The following ELL2 variants were observed in gnomAD, a reference collection of about 807,000 sequenced individuals.
ELL2 encodes elongation factor for RNA polymerase II 2.
Under a neutral mutation model 72.8 loss-of-function variants are expected in ELL2, and 21 were observed. The ratio of observed to expected loss-of-function variants is 0.29; its 90% CI spans 0.20 to 0.42. ELL2 has a LOEUF of 0.42. Among genes scored for constraint, ELL2 ranks in the 10% least tolerant of loss-of-function variants. The pLI is 1.00. For missense variants in ELL2, 568 were observed against 772.8 expected (o/e 0.73, Z 3.14); for synonymous variants, 266 against 283.2 (o/e 0.94, Z 0.61).
chr5:95,961,746 C>T lies in ELL2; in HGVS notation c.-25G>A. 1 of 1,578,674 alleles carries T rather than the reference C, an allele frequency of 6.3e-7. No homozygotes were observed. The highest frequency in any genetic ancestry group is 8.6e-7 in the Non-Finnish European group (1 of 1,165,006). On this transcript the variant is annotated 5_prime_UTR_variant, in exon 1 of 12. Coordinates refer to ENST00000237853, the MANE Select transcript of ELL2 (RefSeq NM_012081.6). The stretch of plus-strand genomic sequence containing the variant: ...TCTTAAACTCCCCGGGGTGCCGCCG[C>T]CGCCGCCGCTCCGGCTCTAGCCTCC...
At chr5:95,895,328 G>A (rs2112271337) in intron 9 of ELL2, among the ~76,000 whole-genome samples, 1 of 152,332 alleles carries the variant, frequency 6.6e-6, no homozygotes, top group Middle Eastern at 3.4e-3. Flanking sequence ...GCTTTGAAGA[G>A]TCAGATCCCT....
In ELL2 at chr5:95,942,674, C is replaced by T. The variant is rs78413182; in HGVS notation, c.195+328G>A. On this transcript the variant is annotated intron_variant, in intron 2 of 11. Coordinates refer to ENST00000237853, the MANE Select transcript of ELL2 (RefSeq NM_012081.6). ...ATAACTTGCCTGAAATAAATAATCCCGTATGGATGTTAAGCTGTGATAATA... is the reference window on the plus strand; with the variant it reads ...ATAACTTGCCTGAAATAAATAATCCTGTATGGATGTTAAGCTGTGATAATA... 9.6e-3 allele frequency among the ~76,000 whole-genome samples: 1,466 copies of T among 152,094 alleles called. 29 individuals are homozygous for T. The highest frequency in any genetic ancestry group is 0.034 in the African/African-American group (1,406 of 41,466).
intron 1 of ELL2, among the ~76,000 whole-genome samples, chr5:95,958,022 T>C (rs1430915741): frequency 6.6e-6 from 1 of 152,322 alleles, no homozygotes; most frequent in East Asian, 1.9e-4. Context: ...AATTAACCTG[T>C]TGAAATTTCT....
At chr5:95,930,652 T>C (rs1482893461) in intron 2 of ELL2, among the ~76,000 whole-genome samples, 1 of 152,230 alleles carries the variant, frequency 6.6e-6, no homozygotes. Flanking sequence ...GGGGAACTTA[T>C]TTTATGTATT....
rs1748541448 is a variant in ELL2, at chr5:95,888,564, T to C, written c.*307A>G. ...CCAATATCTAAAAAATCATTTCTAA[T>C]AACAAACACAAGTTTTTGAGGAAAA... On this transcript the variant is annotated 3_prime_UTR_variant, in exon 12 of 12. Transcript: ENST00000237853. The C allele has an allele frequency of 5.2e-6, 1 of 191,094 alleles. No individual in the cohort carries two copies. The highest frequency in any genetic ancestry group is 1.0e-5 in the Non-Finnish European group (1 of 95,408). 11.8% of individuals were successfully genotyped at this position (191,094 alleles called of 1,614,324 possible). A position where few individuals can be genotyped will look rare whatever the true frequency, so the allele number is the denominator to read the frequency against.
chr5:95,933,682 T>C (rs1056781744), intron 2 of ELL2, among the ~76,000 whole-genome samples: 2 of 152,124 alleles, frequency 1.3e-5, no homozygotes, highest in African/African-American at 4.8e-5. Flanking sequence ...TTCACTTTGT[T>C]TTTCAATCAG....
intron 2 of ELL2, among the ~76,000 whole-genome samples, chr5:95,934,442 A>C (rs774143778): frequency 7.3e-4 from 111 of 152,096 alleles, no homozygotes; most frequent in Non-Finnish European, 1.2e-3. Context: ...TCATTCCCCT[A>C]ATCTGTCCTT....
At chr5:95,901,176 C>T (rs2112280837) in intron 5 of ELL2, 96 bp from the exon 6 acceptor site, 5 of 1,340,628 alleles carry the variant, frequency 3.7e-6, no homozygotes, top group Non-Finnish European at 4.0e-6. Context: ...AAAATAATTA[C>T]ATCAATTGGC....
At chr5:95,952,102 A>G (rs1406480481) in intron 1 of ELL2, among the ~76,000 whole-genome samples, 3 of 152,200 alleles carry the variant, frequency 2.0e-5, no homozygotes, top group Admixed American at 2.0e-4. Flanking sequence ...GTACATATAT[A>G]CCATGGAATA....
intron 1 of ELL2, among the ~76,000 whole-genome samples, chr5:95,954,587 T>C (rs1194831089): frequency 8.6e-6 from 1 of 116,686 alleles, no homozygotes; most frequent in Non-Finnish European, 1.6e-5. Context: ...TCTTTTCTTT[T>C]TTTTTTTTCT....
Position 95,885,711 on chromosome 5 carries a change from GAGAAA to G in ELL2, c.*3155_*3159del, listed in dbSNP as rs1580470472. The G allele has an allele frequency of 6.6e-6, 1 of 152,184 alleles. No individual in the cohort carries two copies. The highest frequency in any genetic ancestry group is 1.5e-5 in the Non-Finnish European group (1 of 68,030). 9.4% of individuals were successfully genotyped at this position (152,184 alleles called of 1,614,324 possible). On this transcript the variant is annotated 3_prime_UTR_variant, in exon 12 of 12. Coordinates refer to ENST00000237853, the MANE Select transcript of ELL2 (RefSeq NM_012081.6). ...TTACATAAGGTGAAACACTTTATAAGAGAAAAGAAAACTCCTATAAAGCTTATAAG... is the reference window on the plus strand; with the variant it reads ...TTACATAAGGTGAAACACTTTATAAGAGAAAACTCCTATAAAGCTTATAAG...
At chr5:95,930,755 C>A (rs1230949515) in intron 2 of ELL2, among the ~76,000 whole-genome samples, 1 of 152,108 alleles carries the variant, frequency 6.6e-6, no homozygotes, top group Non-Finnish European at 1.5e-5. Flanking sequence ...CCCTGGGGAC[C>A]AAAGGCACAA....
intron 3 of ELL2, among the ~76,000 whole-genome samples, chr5:95,916,760 A>C (rs1187993354): frequency 2.1e-5 from 3 of 146,242 alleles, no homozygotes; most frequent in South Asian, 2.2e-4. Flanking sequence ...AAAAAAAAAA[A>C]CCCACTGACA....
chr5:95,959,732 C>G (rs528147985), intron 1 of ELL2, among the ~76,000 whole-genome samples: 151 of 152,312 alleles, frequency 9.9e-4, no homozygotes, highest in African/African-American at 3.6e-3. Context: ...TGTGCATGCA[C>G]TCCTCCCTGA....
intron 4 of ELL2, among the ~76,000 whole-genome samples, chr5:95,912,718 C>T (rs1395428336): frequency 1.3e-5 from 2 of 152,232 alleles, no homozygotes; most frequent in South Asian, 2.1e-4. Flanking sequence ...TTAAACCAAA[C>T]TAAATGTATC....
chr5:95,892,724 T>C (rs1402871715), intron 9 of ELL2, among the ~76,000 whole-genome samples: 12 of 152,204 alleles, frequency 7.9e-5, no homozygotes, highest in Admixed American at 7.9e-4. Context: ...AAATTACTAA[T>C]ATCACAGACG....
intron 2 of ELL2, among the ~76,000 whole-genome samples, chr5:95,927,480 CACACGTGTGTATATAGACAT>C (rs1750371540): frequency 2.9e-5 from 1 of 34,400 alleles, no homozygotes; most frequent in African/African-American, 3.0e-4. Context: ...TAGACATACA[CACACGTGTGTATATAGACAT>C]ACACACACGT....
chr5:95,924,262 G>T (rs1259390869), intron 2 of ELL2, among the ~76,000 whole-genome samples: 1 of 152,170 alleles, frequency 6.6e-6, no homozygotes, highest in Non-Finnish European at 1.5e-5. Flanking sequence ...TGGTTATAAA[G>T]CATTTTCTTA....
intron 4 of ELL2, among the ~76,000 whole-genome samples, chr5:95,912,276 T>C (rs1390115001): frequency 6.6e-6 from 1 of 152,198 alleles, no homozygotes; most frequent in Non-Finnish European, 1.5e-5. Context: ...ATCGCTGATT[T>C]TCAAGCTTTG....
Sources: allele counts gnomAD v4.1 joint callset (sites outside exome capture counted in the v4.1 genomes callset), GRCh38; gene constraint gnomAD v4.1.1; transcripts MANE v1.5; gene names NCBI Gene and HGNC (gene_info 2026-07-23, HGNC 2026-07-21).